Variants in ROBO2 observed in about 807,000 individuals in gnomAD.
The protein encoded by ROBO2 is roundabout guidance receptor 2, also known as roundabout homolog 2.
Under a neutral mutation model 160.8 loss-of-function variants are expected in ROBO2, and 53 were observed. The observed-to-expected ratio is 0.33, with a 90% confidence interval of 0.26 to 0.41. The LOEUF (loss-of-function observed/expected upper bound fraction) is 0.41. Among genes scored for constraint, ROBO2 ranks in the 10% least tolerant of loss-of-function variants. ROBO2 has a pLI of 1.00. For missense variants in ROBO2, 1,577 were observed against 1,722.4 expected (o/e 0.92, Z 1.49); for synonymous variants, 664 against 611.7 (o/e 1.09, Z -1.26).
chr3:77,597,504 G>A (rs1230226849), intron 19 of ROBO2, among the ~76,000 whole-genome samples: 1 of 152,038 alleles, frequency 6.6e-6, no homozygotes, highest in Non-Finnish European at 1.5e-5. Context: ...AATGATGAGA[G>A]GAGTAGGGAA....
At position 76,945,045 on chromosome 3, in the gene ROBO2, C is replaced by A. The variant is rs939079726; in HGVS notation, c.110-152969C>A. On this transcript the variant is annotated intron_variant, in intron 2 of 26. Transcript: ENST00000487694. ...CTGGGACTACAGGCGCCCGCCACCA[C>A]GCCCGGCTAATTTTTTGTACTTTTA... 2.6e-5 allele frequency among the ~76,000 whole-genome samples: 4 copies of A among 151,090 alleles called. No individual in the cohort carries two copies. In the South Asian group the frequency reaches 8.5e-4, roughly 32 times the overall value.
At chr3:77,535,807 T>C (rs1370063481) in intron 6 of ROBO2, among the ~76,000 whole-genome samples, 4 of 152,134 alleles carry the variant, frequency 2.6e-5, no homozygotes, top group South Asian at 4.1e-4. Context: ...TTTATACCTA[T>C]GTATAATTTA....
At chr3:76,345,276 A>C (rs2074456521) in intron 2 of ROBO2, among the ~76,000 whole-genome samples, 1 of 152,068 alleles carries the variant, frequency 6.6e-6, no homozygotes, top group Non-Finnish European at 1.5e-5. Flanking sequence ...GGCCTCTGTG[A>C]GGTCCAGGGA....
chr3:77,217,167 G>A (rs2085089251), intron 2 of ROBO2, among the ~76,000 whole-genome samples: 1 of 147,696 alleles, frequency 6.8e-6, no homozygotes, highest in South Asian at 2.1e-4. Context: ...TTCTTTTCTG[G>A]AGTCTCACTC....
intron 1 of ROBO2, among the ~76,000 whole-genome samples, chr3:77,062,047 G>A (rs1004572094): frequency 1.3e-5 from 2 of 152,218 alleles, no homozygotes; most frequent in East Asian, 3.9e-4. Context: ...AGAGTTTAGA[G>A]GTCTCTACAT....
intron 2 of ROBO2, among the ~76,000 whole-genome samples, chr3:77,130,461 G>T (rs1175244637): frequency 1.3e-5 from 2 of 152,036 alleles, no homozygotes; most frequent in Non-Finnish European, 2.9e-5. Flanking sequence ...AAAATAAAGT[G>T]AGAAATGTGC....
At chr3:76,287,816 T>C (rs1044776579) in intron 2 of ROBO2, among the ~76,000 whole-genome samples, 2 of 152,250 alleles carry the variant, frequency 1.3e-5, no homozygotes, top group African/African-American at 4.8e-5. Flanking sequence ...GATACATATC[T>C]GCACTTAGAA....
intron 2 of ROBO2, among the ~76,000 whole-genome samples, chr3:77,335,918 A>G (rs1262125033): frequency 6.6e-6 from 1 of 152,154 alleles, no homozygotes; most frequent in Non-Finnish European, 1.5e-5. Context: ...TAATGGTTTG[A>G]TGGGGAGAAA....
intron 2 of ROBO2, among the ~76,000 whole-genome samples, chr3:76,584,047 T>G (rs2085872820): frequency 3.9e-5 from 6 of 152,162 alleles, no homozygotes. Flanking sequence ...ACTCTCCTCC[T>G]TGCTTCTATT....
intron 2 of ROBO2, among the ~76,000 whole-genome samples, chr3:76,060,983 C>T (rs1277475620): frequency 6.6e-6 from 1 of 152,124 alleles, no homozygotes; most frequent in African/African-American, 2.4e-5. Flanking sequence ...GCTACAGTTT[C>T]ACCCCAAGAA....
rs2079458899 is a variant in ROBO2 at position 76,485,750 on chromosome 3, T to TTTTTTTTTTATAA, written c.109+548151_109+548152insTTTTTTATAATTT. ...ACCAGATTACATACAAAATTTTGCT[T>TTTTTTTTTTATAA]TTTATAATTTAAAAAAATAAAGTAG... On this transcript the variant is annotated intron_variant, in intron 2 of 26. Transcript: ENST00000487694. 2.6e-5 allele frequency among the ~76,000 whole-genome samples: 4 copies of TTTTTTTTTTATAA among 152,170 alleles called. 1 individual carries two copies. Among genetic ancestry groups the TTTTTTTTTTATAA allele is most frequent in the Non-Finnish European group, 5.9e-5 (4 of 68,024 alleles).
At chr3:77,645,047 G>A in intron 25 of ROBO2, 143 bp downstream of exon 27, 1 of 847,872 alleles carries the variant, frequency 1.2e-6, no homozygotes, top group South Asian at 1.5e-5. Context: ...AACAAGTTTG[G>A]TCATAACTTA....
chr3:77,316,926 C>CA (rs1344472904), intron 2 of ROBO2: 1 of 1,239,876 alleles, frequency 8.1e-7, no homozygotes, highest in Admixed American at 1.7e-5. Flanking sequence ...GAGGGTCAGT[C>CA]TGATACTTGG....
At chr3:76,111,224 CAG>C (rs557608245) in intron 2 of ROBO2, among the ~76,000 whole-genome samples, 1 of 151,976 alleles carries the variant, frequency 6.6e-6, no homozygotes, top group Non-Finnish European at 1.5e-5. Flanking sequence ...CAGGGACACA[CAG>C]GGGGACGTCA....
At chr3:76,928,885 G>T (rs967709656) in intron 2 of ROBO2, among the ~76,000 whole-genome samples, 3 of 151,980 alleles carry the variant, frequency 2.0e-5, no homozygotes, top group Admixed American at 1.3e-4. Flanking sequence ...CCAATCTCTG[G>T]CCAGACATCT....
intron 2 of ROBO2, among the ~76,000 whole-genome samples, chr3:76,802,846 G>A (rs900668934): frequency 6.6e-6 from 1 of 152,012 alleles, no homozygotes; most frequent in Non-Finnish European, 1.5e-5. Flanking sequence ...CCTTACTTTA[G>A]CTTAGTAAAT....
At chr3:77,595,346 G>T (rs763945700) in intron 18 of ROBO2, among the ~76,000 whole-genome samples, 162 bp downstream of exon 19, 7 of 152,092 alleles carry the variant, frequency 4.6e-5, no homozygotes, top group Non-Finnish European at 1.0e-4. Flanking sequence ...TATCTGTTGT[G>T]CACTTTAGAG....
intron 2 of ROBO2, among the ~76,000 whole-genome samples, chr3:76,033,857 C>T (rs1438383166): frequency 6.6e-6 from 1 of 152,116 alleles, no homozygotes; most frequent in Non-Finnish European, 1.5e-5. Context: ...GCCTGTCACC[C>T]TCCCGTCTCT....
rs148403569 is a variant in ROBO2 at position 76,731,996 on chromosome 3, A to T, written c.110-366018A>T. 4.9e-3 allele frequency among the ~76,000 whole-genome samples: 744 copies of T among 152,316 alleles called. 3 individuals carry two copies. The highest frequency in any genetic ancestry group is 0.013 in the South Asian group (63 of 4,818). ...ACAACAAATTTCCATGCAGCCAGGCATGATTTTTCATCTTTCAGAGCCCAG... is the reference window on the plus strand; with the variant it reads ...ACAACAAATTTCCATGCAGCCAGGCTTGATTTTTCATCTTTCAGAGCCCAG... On this transcript the variant is annotated intron_variant, in intron 2 of 26. Coordinates refer to the ROBO2 transcript ENST00000487694.
Sources: allele counts gnomAD v4.1 joint callset (sites outside exome capture counted in the v4.1 genomes callset), GRCh38; gene constraint gnomAD v4.1.1; transcripts MANE v1.5; gene names NCBI Gene and HGNC (gene_info 2026-07-23, HGNC 2026-07-21).